The following ADAMTS20 variants were observed in gnomAD, a reference collection of about 807,000 sequenced individuals.
The protein encoded by ADAMTS20 is ADAM metallopeptidase with thrombospondin type 1 motif 20.
A neutral mutation model predicts 260.1 loss-of-function variants in ADAMTS20; 225 were observed. The ratio of observed to expected loss-of-function variants is 0.87; its 90% CI spans 0.78 to 0.97. The LOEUF (loss-of-function observed/expected upper bound fraction) is 0.97. Among genes scored for constraint, ADAMTS20 ranks in the 50% least tolerant of loss-of-function variants. The pLI is 0.00. For synonymous variants in ADAMTS20, 802 were observed against 769.5 expected (o/e 1.04, Z -0.70); for missense variants, 2,400 against 2,337.7 (o/e 1.03, Z -0.55).
intron 4 of ADAMTS20, among the ~76,000 whole-genome samples, chr12:43,497,078 C>T (rs1942687966): frequency 6.6e-6 from 1 of 152,062 alleles, no homozygotes; most frequent in South Asian, 2.1e-4. Flanking sequence ...TTTTAGAGTG[C>T]TATGTATTCG....
chr12:43,440,112 T>A, intron 16 of ADAMTS20, 43 bp from the exon 17 acceptor site: 165 of 994,520 alleles, frequency 1.7e-4, no homozygotes, highest in Non-Finnish European at 2.2e-4. Flanking sequence ...GTAACACCAA[T>A]CAACAATACA....
Position 43,492,504 on chromosome 12 carries a change from C to G in ADAMTS20, c.1076+1G>C. The G allele has an allele frequency of 6.2e-7, 1 of 1,613,316 alleles. No homozygotes were observed. The highest frequency in any genetic ancestry group is 1.1e-5 in the South Asian group (1 of 91,026). On this transcript the variant is annotated splice_donor_variant, in intron 6 of 38. Coordinates refer to ENST00000389420, the MANE Select transcript of ADAMTS20 (RefSeq NM_025003.5). LOFTEE classifies it high-confidence loss of function. ...GGGAAGGGTTATTTCTATAATCATA[C>G]CTAGTGATAAGAACAGCAGTGTCAT...
intron 10 of ADAMTS20, among the ~76,000 whole-genome samples, chr12:43,463,409 T>C (rs1489562341): frequency 6.6e-6 from 1 of 152,172 alleles, no homozygotes; most frequent in Non-Finnish European, 1.5e-5. Flanking sequence ...TAATGTATAA[T>C]GTATACTGAA....
At position 43,443,903 on chromosome 12, in the gene ADAMTS20, A is replaced by G; in HGVS notation, c.2198-20T>C. On this transcript the variant is annotated intron_variant, in intron 15 of 38. Coordinates refer to ENST00000389420, the MANE Select transcript of ADAMTS20 (RefSeq NM_025003.5). ...TATAACCTGCAATATAATTTTACATATGTTAAATTTCACAAAAAGCAGATG... is the reference window on the plus strand; with the variant it reads ...TATAACCTGCAATATAATTTTACATGTGTTAAATTTCACAAAAAGCAGATG... 6.2e-7 allele frequency: 1 copy of G among 1,604,004 alleles called. No homozygotes were observed. Among genetic ancestry groups the G allele is most frequent in the Non-Finnish European group, 8.5e-7 (1 of 1,171,448 alleles).
intron 7 of ADAMTS20, among the ~76,000 whole-genome samples, chr12:43,470,071 G>T (rs377033776): frequency 1.3e-5 from 2 of 152,154 alleles, no homozygotes; most frequent in East Asian, 1.9e-4. Context: ...TCTCTGTAGA[G>T]AAATTATTTC....
chr12:43,519,300 G>A (rs1397105542), intron 3 of ADAMTS20, among the ~76,000 whole-genome samples: 1 of 151,964 alleles, frequency 6.6e-6, no homozygotes, highest in Non-Finnish European at 1.5e-5. Flanking sequence ...CCACAACCTG[G>A]AGCCACCCAT....
At position 43,466,789 on chromosome 12, in the gene ADAMTS20, A is replaced by T; in HGVS notation, c.1230T>A (p.Gly410=). The T allele has an allele frequency of 1.9e-6, 3 of 1,589,694 alleles. No homozygotes were observed. Among genetic ancestry groups the T allele is most frequent in the Non-Finnish European group, 2.6e-6 (3 of 1,166,452 alleles). ...ATCTAGGATTATCATCATGTTGAACACCAAGTCTAAAAATAAAAATAAACA... is the reference window on the plus strand; with the variant it reads ...ATCTAGGATTATCATCATGTTGAACTCCAAGTCTAAAAATAAAAATAAACA... The part of the protein sequence containing the change: ...TIAHELGHTL[G]VQHDDNPRCK... Residue 410 remains glycine (G), a synonymous_variant, in exon 9 of 39, where the codon GGT becomes GGA. Coordinates refer to ENST00000389420, the MANE Select transcript of ADAMTS20 (RefSeq NM_025003.5).
chr12:43,422,274 T>C (rs2137290236), intron 28 of ADAMTS20, among the ~76,000 whole-genome samples: 1 of 152,136 alleles, frequency 6.6e-6, no homozygotes, highest in South Asian at 2.1e-4. Context: ...GTTTCTGAGA[T>C]TTCATGTCAC....
chr12:43,501,055 CTTT>C lies in ADAMTS20; in HGVS notation c.867+1094_867+1096del, dbSNP rs79075751. 1.5e-3 allele frequency among the ~76,000 whole-genome samples: 160 copies of C among 104,854 alleles called. 2 individuals carry two copies. The highest frequency in any genetic ancestry group is 4.1e-3 in the African/African-American group (116 of 28,636). 68.8% of individuals were successfully genotyped at this position (104,854 alleles called of 152,430 possible). A position where few individuals can be genotyped will look rare whatever the true frequency, so the allele number is the denominator to read the frequency against. Reference sequence around the variant, plus strand: ...TCTATAAATAGGTGGCTATGTAATTCTTTTTTTTTTTTTTTTTTTTGAGTCATA... The same window carrying C: ...TCTATAAATAGGTGGCTATGTAATTCTTTTTTTTTTTTTTTTTGAGTCATA... On this transcript the variant is annotated intron_variant, in intron 4 of 38. Coordinates refer to ENST00000389420, the MANE Select transcript of ADAMTS20 (RefSeq NM_025003.5).
chr12:43,490,895 A>G (rs531511903), intron 6 of ADAMTS20, among the ~76,000 whole-genome samples: 20 of 151,984 alleles, frequency 1.3e-4, no homozygotes, highest in African/African-American at 2.7e-4. Flanking sequence ...CTCCTTTCTT[A>G]TCACCTCTTT....
intron 11 of ADAMTS20, among the ~76,000 whole-genome samples, chr12:43,459,369 G>A (rs1942021197): frequency 3.3e-5 from 5 of 152,166 alleles, no homozygotes; most frequent in Admixed American, 2.6e-4. Context: ...CGGGTTCCAT[G>A]GTTCTCTTCC....
At chr12:43,451,464 C>T (rs1941862395) in intron 14 of ADAMTS20, among the ~76,000 whole-genome samples, 1 of 150,176 alleles carries the variant, frequency 6.7e-6, no homozygotes, top group Non-Finnish European at 1.5e-5. Flanking sequence ...ACTTCAAATG[C>T]TTCTATGTGT....
intron 3 of ADAMTS20, among the ~76,000 whole-genome samples, chr12:43,519,756 T>C (rs961195512): frequency 2.0e-5 from 3 of 152,180 alleles, no homozygotes; most frequent in African/African-American, 7.2e-5. Flanking sequence ...TACACATTGA[T>C]TCCTTCAGAG....
At chr12:43,365,414 C>T (rs144971049) in intron 37 of ADAMTS20, among the ~76,000 whole-genome samples, 1 of 151,990 alleles carries the variant, frequency 6.6e-6, no homozygotes, top group East Asian at 1.9e-4. Flanking sequence ...TAAAAGCAAT[C>T]GTATAAACCA....
intron 7 of ADAMTS20, among the ~76,000 whole-genome samples, chr12:43,472,956 AT>A (rs1275469175): frequency 7.8e-6 from 1 of 127,576 alleles, no homozygotes; most frequent in Non-Finnish European, 1.6e-5. Flanking sequence ...AGCTAACATC[AT>A]AATGACAGGA....
At chr12:43,438,719 C>T (rs146286291) in intron 18 of ADAMTS20, among the ~76,000 whole-genome samples, 78 of 152,186 alleles carry the variant, frequency 5.1e-4, no homozygotes, top group East Asian at 1.5e-3. Flanking sequence ...CCACATGGTT[C>T]GGAGCTTCCT....
chr12:43,483,616 G>A (rs886497951), intron 7 of ADAMTS20, among the ~76,000 whole-genome samples: 25 of 152,122 alleles, frequency 1.6e-4, no homozygotes, highest in African/African-American at 3.6e-4. Context: ...AATGAAATGA[G>A]GTGTTTGTCT....
At chr12:43,410,408 G>A (rs1941009825) in intron 28 of ADAMTS20, among the ~76,000 whole-genome samples, 1 of 152,094 alleles carries the variant, frequency 6.6e-6, no homozygotes, top group South Asian at 2.1e-4. Flanking sequence ...AAAACATAAC[G>A]AAACTAAGCA....
chr12:43,521,438 G>A (rs771233935), intron 3 of ADAMTS20, among the ~76,000 whole-genome samples: 2 of 152,024 alleles, frequency 1.3e-5, no homozygotes, highest in Non-Finnish European at 2.9e-5. Context: ...AAATATAAAC[G>A]TCTCTTCAAA....
Sources: gnomAD v4.1 joint callset for allele counts (sites outside exome capture counted in the v4.1 genomes callset) on GRCh38, gnomAD v4.1.1 for gene constraint, MANE v1.5 for transcripts, NCBI Gene and HGNC (gene_info 2026-07-23, HGNC 2026-07-21) for gene names.